Variants in PDE1C observed in about 807,000 individuals in gnomAD.
The protein encoded by PDE1C is dual specificity calcium/calmodulin-dependent 3',5'-cyclic nucleotide phosphodiesterase 1C.
PDE1C carries 62 observed loss-of-function variants against 93.1 expected under a neutral mutation model. The observed-to-expected ratio is 0.67, with a 90% confidence interval of 0.54 to 0.82. The LOEUF (loss-of-function observed/expected upper bound fraction) is 0.82. Ranked by LOEUF, PDE1C falls within the 40% of genes least tolerant of loss-of-function variation. The pLI, the probability that PDE1C is intolerant of heterozygous loss-of-function variation, is 0.00. For synonymous variants in PDE1C, 325 were observed against 310.1 expected (o/e 1.05, Z -0.50); for missense variants, 742 against 884.6 (o/e 0.84, Z 2.04).
intron 2 of PDE1C, among the ~76,000 whole-genome samples, chr7:32,188,540 A>T (rs1804027801): frequency 1.3e-5 from 2 of 152,076 alleles, no homozygotes; most frequent in South Asian, 4.1e-4. Context: ...TTTAATTCCT[A>T]TGTCACATAT....
rs140202628 is a variant in PDE1C, at chr7:31,890,546, C to T, written c.129-9686G>A. Among the ~76,000 whole-genome samples the T allele has an allele frequency of 1.4e-3, 209 of 152,288 alleles. 1 individual carries two copies. The highest frequency in any genetic ancestry group is 5.3e-4 in the Non-Finnish European group (36 of 68,036). On this transcript the variant is annotated intron_variant, in intron 2 of 17. Transcript: ENST00000396191. ...CTTTCCTTTTCTGAATTTAGTTCCT[C>T]ATTCAACCTCAATTGCATCATGTTG... is the stretch of plus-strand genomic sequence containing the variant.
At chr7:31,772,527 G>C (rs1341360896) in intron 17 of PDE1C, among the ~76,000 whole-genome samples, 1 of 147,244 alleles carries the variant, frequency 6.8e-6, no homozygotes, top group African/African-American at 2.5e-5. Context: ...TTTTTTTTCT[G>C]GTTCCCAGAG....
At position 32,363,349 on chromosome 7, in the gene PDE1C, G is replaced by T. The variant is rs902590926; in HGVS notation, c.310+64473C>A. Among the ~76,000 whole-genome samples the T allele has an allele frequency of 5.9e-5, 9 of 152,264 alleles. No individual in the cohort carries two copies. In the East Asian group the frequency reaches 1.7e-3, roughly 29 times the overall value. On this transcript the variant is annotated intron_variant, in intron 1 of 1. Transcript: ENST00000672256. ...AAGAAGCTAAAATAATGTGCCCAAG[G>T]CCACACAGCAAGTAACCAGCAGAGC... is the stretch of plus-strand genomic sequence containing the variant.
chr7:31,929,294 C>T (rs916190982), intron 2 of PDE1C, among the ~76,000 whole-genome samples: 1 of 152,154 alleles, frequency 6.6e-6, no homozygotes, highest in African/African-American at 2.4e-5. Context: ...AAAGCAAGTT[C>T]TTAGAGACCT....
At chr7:32,003,533 T>G (rs978748133) in intron 2 of PDE1C, among the ~76,000 whole-genome samples, 1 of 152,244 alleles carries the variant, frequency 6.6e-6, no homozygotes, top group African/African-American at 2.4e-5. Context: ...GACTCATTCC[T>G]CACCTAAAGC....
chr7:31,642,342 A>C, the PDE1C span: 1 of 907,166 alleles, frequency 1.1e-6, no homozygotes, highest in Non-Finnish European at 1.7e-6. Flanking sequence ...CCCAAACCTC[A>C]CTCACAGCTA....
chr7:31,692,581 G>T, the PDE1C span: 1 of 1,508,442 alleles, frequency 6.6e-7, no homozygotes, highest in African/African-American at 1.4e-5. Context: ...AGGCGTCTCA[G>T]CCATTTGGTT....
At chr7:32,088,589 G>A (rs1475882631) in intron 3 of PDE1C, among the ~76,000 whole-genome samples, 2 of 152,218 alleles carry the variant, frequency 1.3e-5, no homozygotes, top group Admixed American at 6.5e-5. Context: ...ATCAGACGAC[G>A]CTTTGCTGGC....
At chr7:32,159,780 C>T (rs1801799117) in intron 3 of PDE1C, among the ~76,000 whole-genome samples, 1 of 151,946 alleles carries the variant, frequency 6.6e-6, no homozygotes. Flanking sequence ...GGATATCCGC[C>T]CAAAAACCGG....
At chr7:31,624,372 T>C in the PDE1C span, among the ~76,000 whole-genome samples, 323 of 146,104 alleles carry the variant, frequency 2.2e-3, no homozygotes, top group African/African-American at 7.9e-3. Flanking sequence ...CTTCAAACTA[T>C]ACTACAAGGC....
chr7:31,753,624 G>A (rs762601514), intron 17 of PDE1C, 71 bp from the exon 18 acceptor site: 86 of 1,520,908 alleles, frequency 5.7e-5, no homozygotes, highest in Middle Eastern at 2.0e-4. Context: ...TAAATATTGT[G>A]AGCAACTTCC....
chr7:31,632,208 G>A, the PDE1C span, among the ~76,000 whole-genome samples: 2 of 152,082 alleles, frequency 1.3e-5, no homozygotes, highest in African/African-American at 2.4e-5. Context: ...CAGCACTTTG[G>A]GTGGCTGAGG....
At chr7:31,988,321 T>C (rs762949515) in intron 2 of PDE1C, among the ~76,000 whole-genome samples, 9 of 152,192 alleles carry the variant, frequency 5.9e-5, no homozygotes, top group Non-Finnish European at 8.8e-5. Context: ...CCTGCCTTGG[T>C]TTCCAGCCAG....
At chr7:32,079,543 GGGT>G (rs1433199584) in intron 3 of PDE1C, among the ~76,000 whole-genome samples, 4 of 152,196 alleles carry the variant, frequency 2.6e-5, no homozygotes, top group African/African-American at 9.6e-5. Context: ...GTCTTGTTTG[GGGT>G]CTGCCATGCA....
chr7:31,882,470 A>G (rs1250403705), intron 2 of PDE1C, among the ~76,000 whole-genome samples: 1 of 152,132 alleles, frequency 6.6e-6, no homozygotes, highest in Non-Finnish European at 1.5e-5. Context: ...TCTTTAGCAA[A>G]ACACATTCCT....
the PDE1C span, chr7:31,642,167 A>C: frequency 3.9e-6 from 6 of 1,553,860 alleles, no homozygotes; most frequent in Admixed American, 1.2e-4. Flanking sequence ...GACCTCTTTC[A>C]TTCTGCAGGT....
the PDE1C span, among the ~76,000 whole-genome samples, chr7:31,654,357 G>A: frequency 6.6e-6 from 1 of 152,054 alleles, no homozygotes; most frequent in South Asian, 2.1e-4. Flanking sequence ...ATGGAGGGAG[G>A]GGAAGGCTGA....
chr7:31,803,482 C>A (rs551063930), intron 16 of PDE1C, among the ~76,000 whole-genome samples: 1 of 151,698 alleles, frequency 6.6e-6, no homozygotes, highest in Non-Finnish European at 1.5e-5. Flanking sequence ...TATACCTGTG[C>A]CATGTTGGTG....
At chr7:32,110,534 A>G (rs1191803793) in intron 3 of PDE1C, among the ~76,000 whole-genome samples, 5 of 152,076 alleles carry the variant, frequency 3.3e-5, no homozygotes, top group Admixed American at 2.0e-4. Flanking sequence ...TCTATGCACC[A>G]CTCTAATAAG....
Sources: gnomAD v4.1 joint callset for allele counts (sites outside exome capture counted in the v4.1 genomes callset) on GRCh38, gnomAD v4.1.1 for gene constraint, MANE v1.5 for transcripts, NCBI Gene and HGNC (gene_info 2026-07-23, HGNC 2026-07-21) for gene names.